Variants in DOCK1 observed in about 807,000 individuals in gnomAD.
The protein encoded by DOCK1 is dedicator of cytokinesis protein 1.
DOCK1 carries 138 observed loss-of-function variants against 262.7 expected under a neutral mutation model. The observed-to-expected ratio is 0.53, with a 90% CI of 0.46 to 0.61. The LOEUF (loss-of-function observed/expected upper bound fraction) is 0.61. Ranked by LOEUF, DOCK1 falls within the 20% of genes least tolerant of loss-of-function variation. DOCK1 has a pLI of 0.00. For missense variants in DOCK1, 1,908 were observed against 2,370.7 expected, an observed-to-expected ratio of 0.80 and a Z score of 4.05; for synonymous variants, 866 against 867.4, an observed-to-expected ratio of 1.00 and a Z score of 0.03.
intron 38 of DOCK1, among the ~76,000 whole-genome samples, chr10:127,392,265 G>A (rs2066524536): frequency 6.6e-6 from 1 of 152,016 alleles, no homozygotes; most frequent in African/African-American, 2.4e-5. Flanking sequence ...TGGGCCTCGA[G>A]GCTCTGCATT....
intron 27 of DOCK1, among the ~76,000 whole-genome samples, chr10:127,150,138 C>A (rs1000949670): frequency 1.3e-5 from 2 of 152,220 alleles, no homozygotes; most frequent in African/African-American, 2.4e-5. Flanking sequence ...GGAGTCTATA[C>A]TTCCGAGATG....
chr10:127,042,775 C>T, intron 20 of DOCK1, 61 bp downstream of exon 20: 1 of 1,562,190 alleles, frequency 6.4e-7, no homozygotes, highest in Non-Finnish European at 8.8e-7. Context: ...GCTGCAGCGT[C>T]TGAGGCTGGA....
At chr10:126,915,439 G>A (rs2032360288) in intron 1 of DOCK1, among the ~76,000 whole-genome samples, 4 of 143,812 alleles carry the variant, frequency 2.8e-5, no homozygotes, top group Non-Finnish European at 3.1e-5. Flanking sequence ...GCGGGGGGGG[G>A]ATGGAGTCTT....
intron 33 of DOCK1, among the ~76,000 whole-genome samples, chr10:127,371,393 T>C (rs1203409744): frequency 4.6e-5 from 7 of 152,256 alleles, no homozygotes; most frequent in African/African-American, 1.7e-4. Context: ...ATTAAGTTCA[T>C]CAGTCAGAAT....
At position 126,999,412 on chromosome 10, in the gene DOCK1, C is replaced by T. The variant is rs373741100; in HGVS notation, c.826C>T (p.His276Tyr). 5.0e-6 allele frequency: 8 copies of T among 1,613,230 alleles called. No individual in the cohort carries two copies. Among genetic ancestry groups the T allele is most frequent in the Non-Finnish European group, 6.8e-6 (8 of 1,179,644 alleles). ...ATTACCTAAAGACATAGACAGATTA[C>T]ATAATTTGCGAGCCGTGTTTACTGT... is the stretch of plus-strand genomic sequence containing the variant. ...SGLPKDIDRL[H>Y]NLRAVFTDLG... The change falls in exon 9 of 52, where the codon CAT becomes TAT. Residue 276 changes from histidine (H) to tyrosine (Y), a missense_variant. Physicochemically the swap from His to Tyr is moderately conservative, Grantham distance 83. This residue lies in a region of DOCK1 where 102 missense variants were observed against 154.9 expected (regional missense o/e 0.66). Coordinates refer to ENST00000623213, the MANE Select transcript of DOCK1 (RefSeq NM_001290223.2).
chr10:127,275,510 T>G (rs1417680818), intron 29 of DOCK1, among the ~76,000 whole-genome samples: 3 of 152,044 alleles, frequency 2.0e-5, no homozygotes, highest in Non-Finnish European at 2.9e-5. Context: ...ACAGATGGTG[T>G]GTCGGGAGCT....
intron 29 of DOCK1, among the ~76,000 whole-genome samples, chr10:127,269,374 G>A (rs1056713651): frequency 6.6e-6 from 1 of 152,122 alleles, no homozygotes; most frequent in Non-Finnish European, 1.5e-5. Flanking sequence ...GAGATTCAGA[G>A]CACTTTGTAC....
intron 27 of DOCK1, among the ~76,000 whole-genome samples, chr10:127,147,625 G>T (rs1391804455): frequency 6.6e-6 from 1 of 152,038 alleles, no homozygotes; most frequent in Non-Finnish European, 1.5e-5. Flanking sequence ...CCCAGGGCCT[G>T]GTGCAGAACT....
chr10:126,930,164 C>G (rs2134175376), intron 1 of DOCK1, among the ~76,000 whole-genome samples: 1 of 152,348 alleles, frequency 6.6e-6, no homozygotes, highest in East Asian at 1.9e-4. Flanking sequence ...TAGCATTCTG[C>G]TGTATGAGTA....
chr10:127,062,893 C>G (rs2135838471), intron 23 of DOCK1, among the ~76,000 whole-genome samples: 1 of 152,260 alleles, frequency 6.6e-6, no homozygotes, highest in African/African-American at 2.4e-5. Flanking sequence ...GTCCTTCTTC[C>G]CTCTTTTGAT....
At chr10:127,389,144 G>A (rs1213854640) in intron 38 of DOCK1, among the ~76,000 whole-genome samples, 8 of 152,202 alleles carry the variant, frequency 5.3e-5, no homozygotes, top group Admixed American at 3.3e-4. Flanking sequence ...ATGGGCTCCT[G>A]ACCCCCGTGA....
chr10:127,250,826 C>T (rs888839892), intron 28 of DOCK1, among the ~76,000 whole-genome samples: 3 of 133,648 alleles, frequency 2.2e-5, no homozygotes, highest in South Asian at 2.5e-4. Context: ...AAAAAAATGA[C>T]GTTTGTGGTT....
At chr10:126,912,937 A>G (rs530459090) in intron 1 of DOCK1, among the ~76,000 whole-genome samples, 4 of 152,192 alleles carry the variant, frequency 2.6e-5, no homozygotes, top group African/African-American at 9.6e-5. Context: ...TGATTTTGAT[A>G]ACATAAGACT....
intron 46 of DOCK1, among the ~76,000 whole-genome samples, chr10:127,424,960 A>G (rs2068728770): frequency 6.6e-6 from 1 of 152,182 alleles, no homozygotes; most frequent in Non-Finnish European, 1.5e-5. Context: ...GTAACCAAAT[A>G]CATTTGATGC....
intron 29 of DOCK1, among the ~76,000 whole-genome samples, chr10:127,321,238 T>G (rs1387429964): frequency 2.7e-5 from 1 of 36,672 alleles, no homozygotes; most frequent in Non-Finnish European, 5.4e-5. Context: ...CCCCTCCCCG[T>G]CCTCCCCCTC....
At chr10:127,302,307 T>G (rs1267399133) in intron 29 of DOCK1, among the ~76,000 whole-genome samples, 1 of 151,484 alleles carries the variant, frequency 6.6e-6, no homozygotes, top group African/African-American at 2.4e-5. Context: ...GAGAGCAGAG[T>G]CGTGTGCAGA....
chr10:127,248,202 A>T, intron 28 of DOCK1, 93 bp downstream of exon 28: 1 of 1,112,816 alleles, frequency 9.0e-7, no homozygotes, highest in Non-Finnish European at 1.3e-6. Context: ...TTAAAATAGG[A>T]TTTTGCATGA....
rs1564871350 is a variant in DOCK1 at position 127,175,943 on chromosome 10, GTTC to G, written c.2847+48184_2847+48186del. 6.2e-7 allele frequency: 1 copy of G among 1,614,202 alleles called. No homozygotes were observed. Among genetic ancestry groups the G allele is most frequent in the Admixed American group, 1.7e-5 (1 of 60,026 alleles). On this transcript the variant is annotated intron_variant, in intron 27 of 51. Coordinates refer to ENST00000623213, the MANE Select transcript of DOCK1 (RefSeq NM_001290223.2). This position sits in a 1 kb window ranked among gnomAD's most constrained non-coding sequence, Gnocchi z 6.3. Reference sequence around the variant, plus strand: ...GGGCCTCCTCCATGGGTCCAGCCTCGTTCTTCTCTTTCGCATCTGTTAGAAACC... The same window carrying G: ...GGGCCTCCTCCATGGGTCCAGCCTCGTTCTCTTTCGCATCTGTTAGAAACC...
intron 2 of DOCK1, among the ~76,000 whole-genome samples, chr10:126,976,558 A>G (rs140264274): frequency 9.2e-5 from 14 of 152,218 alleles, no homozygotes; most frequent in African/African-American, 3.1e-4. Flanking sequence ...TGCTGTGACA[A>G]TGGCCCGTTT....
Sources: gnomAD v4.1 joint callset for allele counts (sites outside exome capture counted in the v4.1 genomes callset) on GRCh38, gnomAD v4.1.1 for gene constraint, gnomAD v4.1.1 regional missense constraint, Gnocchi (gnomAD v3.1) non-coding constraint, MANE v1.5 for transcripts, NCBI Gene and HGNC (gene_info 2026-07-23, HGNC 2026-07-21) for gene names.